The following AFG1L variants were observed in gnomAD, a reference collection of about 807,000 sequenced individuals.
The protein encoded by AFG1L is AFG1-like ATPase.
AFG1L carries 53 observed loss-of-function variants against 62.2 expected under a neutral mutation model. The ratio of observed to expected loss-of-function variants is 0.85; its 90% CI spans 0.68 to 1.07. The LOEUF (loss-of-function observed/expected upper bound fraction) is 1.07, where lower values mean the gene tolerates loss of function less well. Among genes scored for constraint, AFG1L ranks in the 50% least tolerant of loss-of-function variants. The pLI is 0.00. For synonymous variants in AFG1L, 228 were observed against 210.3 expected (o/e 1.08, Z -0.73); for missense variants, 555 against 590.5 (o/e 0.94, Z 0.62).
chr6:108,417,275 C>G (rs1770348505), intron 7 of AFG1L, among the ~76,000 whole-genome samples: 1 of 126,156 alleles, frequency 7.9e-6, no homozygotes, highest in Non-Finnish European at 1.6e-5. Flanking sequence ...CGCACACACA[C>G]ACACACACAC....
At chr6:108,441,820 AGTG>A (rs1391932680) in intron 7 of AFG1L, among the ~76,000 whole-genome samples, 1 of 151,826 alleles carries the variant, frequency 6.6e-6, no homozygotes, top group Non-Finnish European at 1.5e-5. Context: ...GGTATTCCTC[AGTG>A]GTGATTAGTG....
At chr6:108,401,747 A>G (rs1781626615) in intron 6 of AFG1L, among the ~76,000 whole-genome samples, 1 of 152,120 alleles carries the variant, frequency 6.6e-6, no homozygotes, top group African/African-American at 2.4e-5. Context: ...TTATTGTCTC[A>G]TTACAGTTTA....
chr6:108,474,546 G>T (rs12211430), intron 8 of AFG1L, among the ~76,000 whole-genome samples: 1 of 152,012 alleles, frequency 6.6e-6, no homozygotes, highest in South Asian at 2.1e-4. Flanking sequence ...ACCAGCATCT[G>T]TTGTTTCTTG....
intron 7 of AFG1L, among the ~76,000 whole-genome samples, chr6:108,434,610 C>G (rs552942538): frequency 3.3e-5 from 5 of 152,146 alleles, no homozygotes; most frequent in East Asian, 1.9e-4. Context: ...TTTCTTCCCC[C>G]CTCCATTGTT....
chr6:108,411,760 GC>G (rs1782126061), intron 7 of AFG1L, among the ~76,000 whole-genome samples: 1 of 152,156 alleles, frequency 6.6e-6, no homozygotes, highest in African/African-American at 2.4e-5. Context: ...TCTGTATGTT[GC>G]CATCATCAAA....
chr6:108,376,639 T>C (rs942585403), intron 6 of AFG1L, among the ~76,000 whole-genome samples: 2 of 152,186 alleles, frequency 1.3e-5, no homozygotes, highest in Admixed American at 1.3e-4. Context: ...ATGGTTGATA[T>C]GATTTTGATT....
intron 8 of AFG1L, among the ~76,000 whole-genome samples, chr6:108,455,365 T>C (rs1772214965): frequency 6.6e-6 from 1 of 152,214 alleles, no homozygotes; most frequent in Non-Finnish European, 1.5e-5. Context: ...CAAAAGATTT[T>C]TAAAAAGATA....
At chr6:108,469,144 T>C (rs1458080289) in intron 8 of AFG1L, among the ~76,000 whole-genome samples, 1 of 152,184 alleles carries the variant, frequency 6.6e-6, no homozygotes, top group Admixed American at 6.5e-5. Flanking sequence ...ATTGGTGGGC[T>C]TCACTGGAGG....
At chr6:108,493,697 C>A (rs1406823078) in intron 10 of AFG1L, among the ~76,000 whole-genome samples, 2 of 152,192 alleles carry the variant, frequency 1.3e-5, no homozygotes, top group Non-Finnish European at 2.9e-5. Context: ...GTTAGTACAA[C>A]CCATTCCACT....
At chr6:108,476,774 T>C in intron 8 of AFG1L, 91 bp from the exon 9 acceptor site, 1 of 847,598 alleles carries the variant, frequency 1.2e-6, no homozygotes, top group Non-Finnish European at 2.0e-6. Context: ...TCTTTTTTTT[T>C]ATGGGCAAAA....
chr6:108,320,928 A>T (rs1777791499), intron 1 of AFG1L, among the ~76,000 whole-genome samples: 1 of 152,152 alleles, frequency 6.6e-6, no homozygotes, highest in Non-Finnish European at 1.5e-5. Context: ...ATCAGTAATC[A>T]CCCTGAAGTT....
intron 2 of AFG1L, among the ~76,000 whole-genome samples, chr6:108,328,365 C>G (rs1778139343): frequency 6.6e-6 from 1 of 152,102 alleles, no homozygotes; most frequent in South Asian, 2.1e-4. Context: ...TGTTCCCTTT[C>G]TAGTCCTCTT....
intron 8 of AFG1L, among the ~76,000 whole-genome samples, chr6:108,453,585 C>G (rs1160658440): frequency 6.6e-6 from 1 of 152,130 alleles, no homozygotes; most frequent in Non-Finnish European, 1.5e-5. Context: ...ACATACTTCC[C>G]CATAATTAAA....
chr6:108,344,883 T>C (rs1250380264), intron 2 of AFG1L: 2 of 456,070 alleles, frequency 4.4e-6, no homozygotes, highest in African/African-American at 4.0e-5. Context: ...TCTATTTTGC[T>C]TCATCTCCAG....
chr6:108,450,395 G>A (rs1406414519), intron 8 of AFG1L, among the ~76,000 whole-genome samples: 1 of 152,178 alleles, frequency 6.6e-6, no homozygotes, highest in African/African-American at 2.4e-5. Flanking sequence ...CTGCATAAAT[G>A]TCTTCTTTTG....
intron 7 of AFG1L, among the ~76,000 whole-genome samples, chr6:108,418,425 G>A (rs531107232): frequency 6.6e-6 from 1 of 152,224 alleles, no homozygotes; most frequent in South Asian, 2.1e-4. Context: ...GAAGTTTGCT[G>A]GCCCTGATCT....
intron 10 of AFG1L, among the ~76,000 whole-genome samples, chr6:108,502,221 T>C (rs1446464785): frequency 2.6e-5 from 4 of 151,206 alleles, no homozygotes; most frequent in Non-Finnish European, 5.9e-5. Context: ...TGTTTGTTTT[T>C]TGAGTTGGAG....
chr6:108,379,611 C>A (rs143137140), intron 6 of AFG1L, among the ~76,000 whole-genome samples: 22 of 152,328 alleles, frequency 1.4e-4, no homozygotes, highest in African/African-American at 5.1e-4. Context: ...ATGGTAGGCA[C>A]AAGCACTAGT....
At chr6:108,314,698 C>T (rs900931289) in intron 1 of AFG1L, among the ~76,000 whole-genome samples, 1 of 152,104 alleles carries the variant, frequency 6.6e-6, no homozygotes, top group African/African-American at 2.4e-5. Flanking sequence ...CCACTCCAAA[C>T]CCCTTCTGCT....
Sources: allele counts gnomAD v4.1 joint callset (sites outside exome capture counted in the v4.1 genomes callset), GRCh38; gene constraint gnomAD v4.1.1; transcripts MANE v1.5; gene names NCBI Gene and HGNC (gene_info 2026-07-23, HGNC 2026-07-21).